ANKRD17: variants seen among roughly 807,000 people sequenced by gnomAD.
ANKRD17 encodes ankyrin repeat domain 17.
Under a neutral mutation model 229.7 loss-of-function variants are expected in ANKRD17, and 19 were observed. The observed-to-expected ratio is 0.08, with a 90% confidence interval of 0.06 to 0.12. The LOEUF is 0.12. Among genes scored for constraint, ANKRD17 ranks in the 10% least tolerant of loss-of-function variants. The pLI, the probability that ANKRD17 is intolerant of heterozygous loss-of-function variation, is 1.00. For synonymous variants in ANKRD17, 1,112 were observed against 1,146.1 expected (o/e 0.97, Z 0.60); for missense variants, 2,176 against 3,176.8 (o/e 0.68, Z 7.57).
In ANKRD17 at chr4:73,142,373, T is replaced by C. The variant is rs1729720182; in HGVS notation, c.2098A>G (p.Met700Val). 6.3e-7 allele frequency: 1 copy of C among 1,589,044 alleles called. No homozygotes were observed. Among genetic ancestry groups the C allele is most frequent in the Non-Finnish European group, 8.5e-7 (1 of 1,174,580 alleles). Residue 700 changes from methionine (M) to valine (V), a missense_variant, in exon 13 of 34, where the codon ATG becomes GTG. Met to Val is a conservative substitution (Grantham distance 21). This residue lies in a region of ANKRD17 where 275 missense variants were observed against 386.9 expected (regional missense o/e 0.71). Coordinates refer to ENST00000358602, the MANE Select transcript of ANKRD17 (RefSeq NM_032217.5). ...CCACCTTTTGCTGCTTCTATCAACATAGTTGAGCCATCCTAAAAGAGTGAA... is the reference window on the plus strand; with the variant it reads ...CCACCTTTTGCTGCTTCTATCAACACAGTTGAGCCATCCTAAAAGAGTGAA... ...PTHRLKDGST[M>V]LIEAAKGGHT... is the part of the protein sequence containing the mutation.
chr4:73,215,702 C>A (rs1232996953), intron 1 of ANKRD17, among the ~76,000 whole-genome samples: 2 of 152,192 alleles, frequency 1.3e-5, no homozygotes, highest in Admixed American at 6.5e-5. Context: ...TCAGAAAGTT[C>A]ACCGGTAATT....
intron 19 of ANKRD17, 109 bp from the exon 20 acceptor site, chr4:73,121,203 T>A: frequency 1.0e-6 from 1 of 1,001,790 alleles, no homozygotes; most frequent in Non-Finnish European, 1.5e-6. Flanking sequence ...AAGGATTGTT[T>A]AAAATATCCA....
At position 73,090,896 on chromosome 4, in the gene ANKRD17, A is replaced by T. The variant is rs755230559; in HGVS notation, c.6732T>A (p.Asn2244Lys). 6.2e-7 allele frequency: 1 copy of T among 1,614,228 alleles called. No individual in the cohort carries two copies. The highest frequency in any genetic ancestry group is 1.7e-5 in the Admixed American group (1 of 60,020). ...GCCCAAATGGTAAGGGGGCACTGAA[A>T]TTGGGAGCAATAGGCTTATTTGCTG... ...VHPANKPIAP[N>K]FSAPLPFGPF... Residue 2244 changes from asparagine (N) to lysine (K), a missense_variant, in exon 29 of 34, where the codon AAT becomes AAA. Asn to Lys is a moderately conservative substitution (Grantham distance 94). Coordinates refer to ENST00000358602, the MANE Select transcript of ANKRD17 (RefSeq NM_032217.5).
At position 73,156,108 on chromosome 4, in the gene ANKRD17, T is replaced by C. The variant is rs1301394736; in HGVS notation, c.763A>G (p.Ile255Val). The C allele has an allele frequency of 6.2e-7, 1 of 1,613,520 alleles. No homozygotes were observed. Among genetic ancestry groups the C allele is most frequent in the Non-Finnish European group, 8.5e-7 (1 of 1,179,900 alleles). ...GDVNAVRKLL[I>V]EGRSVNEHTE... Reference sequence around the variant, plus strand: ...TGTTCATTTACACTTCGCCCTTCAATGAGTAACTTTCGCACAGCATTTACA... The same window carrying C: ...TGTTCATTTACACTTCGCCCTTCAACGAGTAACTTTCGCACAGCATTTACA... Residue 255 changes from isoleucine to valine, a missense_variant, in exon 4 of 34, where the codon ATT becomes GTT. Ile to Val is a conservative substitution (Grantham distance 29). Around this residue, in one of 18 missense-constraint regions of ANKRD17, gnomAD observed 184 missense variants for 357.8 expected, o/e 0.51. Transcript: ENST00000358602.
chr4:73,103,545 T>A lies in ANKRD17; in HGVS notation c.4402-998A>T, dbSNP rs144782366. On this transcript the variant is annotated intron_variant, in intron 24 of 33. Coordinates refer to ENST00000358602, the MANE Select transcript of ANKRD17 (RefSeq NM_032217.5). ...TTTTCTTTCTTGGCTCATAAAGGTATGAAAATCATCTTCAAACTCTGTCTG... is the reference window on the plus strand; with the variant it reads ...TTTTCTTTCTTGGCTCATAAAGGTAAGAAAATCATCTTCAAACTCTGTCTG... Among the ~76,000 whole-genome samples the A allele has an allele frequency of 1.2e-3, 178 of 152,322 alleles. 1 individual carries two copies. The highest frequency in any genetic ancestry group is 4.1e-3 in the African/African-American group (169 of 41,584).
intron 13 of ANKRD17, 135 bp downstream of exon 13, chr4:73,142,107 C>T: frequency 1.1e-6 from 1 of 935,468 alleles, no homozygotes; most frequent in Non-Finnish European, 1.5e-6. Flanking sequence ...TGTTCATTAA[C>T]TGTATCAAGT....
chr4:73,159,992 A>G (rs1461665708), intron 3 of ANKRD17, among the ~76,000 whole-genome samples: 1 of 152,198 alleles, frequency 6.6e-6, no homozygotes, highest in African/African-American at 2.4e-5. Context: ...AAACACCATT[A>G]GACAACAAAG....
intron 1 of ANKRD17, among the ~76,000 whole-genome samples, chr4:73,211,782 G>C (rs1038362274): frequency 1.1e-4 from 17 of 151,208 alleles, no homozygotes; most frequent in African/African-American, 4.1e-4. Flanking sequence ...GGGAGGCAGA[G>C]GTCGCAGTGA....
chr4:73,137,387 A>G (rs530427275), intron 15 of ANKRD17, among the ~76,000 whole-genome samples: 1 of 152,308 alleles, frequency 6.6e-6, no homozygotes, highest in South Asian at 2.1e-4. Context: ...TTTGGTCAGC[A>G]AATTTTATGG....
Position 73,075,487 on chromosome 4 carries a change from A to T in ANKRD17, c.*744T>A, listed in dbSNP as rs931153763. The stretch of plus-strand genomic sequence containing the variant: ...TAAGGAGAGAAAAAGGAGTGAGGAG[A>T]TAAGTCTGTATTAGTTTTAAAAGTG... On this transcript the variant is annotated 3_prime_UTR_variant, in exon 34 of 34. Transcript: ENST00000358602. 6.6e-6 allele frequency: 1 copy of T among 152,558 alleles called. No individual in the cohort carries two copies. Among genetic ancestry groups the T allele is most frequent in the Non-Finnish European group, 1.5e-5 (1 of 67,982 alleles). 9.5% of individuals were successfully genotyped at this position (152,558 alleles called of 1,614,324 possible).
chr4:73,247,969 T>C (rs1744652789), intron 1 of ANKRD17, among the ~76,000 whole-genome samples: 1 of 152,054 alleles, frequency 6.6e-6, no homozygotes, highest in Admixed American at 6.5e-5. Context: ...TATGTGTTTC[T>C]ACAAATAGGT....
intron 2 of ANKRD17, among the ~76,000 whole-genome samples, chr4:73,164,251 A>C (rs1266987515): frequency 1.3e-5 from 2 of 152,238 alleles, no homozygotes; most frequent in African/African-American, 2.4e-5. Context: ...ACTAGGCAAG[A>C]GGACAGATCT....
intron 7 of ANKRD17, among the ~76,000 whole-genome samples, 170 bp downstream of exon 7, chr4:73,151,260 A>G (rs1430407186): frequency 6.6e-6 from 1 of 152,232 alleles, no homozygotes; most frequent in Non-Finnish European, 1.5e-5. Context: ...TGCAGGTAGC[A>G]TTGTAAAGCT....
In ANKRD17 at chr4:73,258,342, GCCGCCGCCACCT is replaced by G. The variant is rs1239060159; in HGVS notation, c.315_326del (p.Gly107_Gly110del). The G allele has an allele frequency of 3.1e-6, 5 of 1,612,540 alleles. No individual in the cohort carries two copies. Among genetic ancestry groups the G allele is most frequent in the Non-Finnish European group, 4.2e-6 (5 of 1,179,758 alleles). On this transcript the variant is annotated inframe_deletion, in exon 1 of 34. Transcript: ENST00000358602. ...CCTCGCTGTTGTTACTGCTGGTGCC[GCCGCCGCCACCT>G]CCGCCTCCACCGCCGCCTCCACCGC...
chr4:73,179,870 AAG>A (rs1735315535), intron 1 of ANKRD17, among the ~76,000 whole-genome samples: 1 of 152,130 alleles, frequency 6.6e-6, no homozygotes, highest in Non-Finnish European at 1.5e-5. Flanking sequence ...GGGCACAGCA[AAG>A]AGTGATTCAA....
At chr4:73,137,344 T>G (rs1266018923) in intron 15 of ANKRD17, among the ~76,000 whole-genome samples, 1 of 152,128 alleles carries the variant, frequency 6.6e-6, no homozygotes, top group African/African-American at 2.4e-5. Context: ...GATTCTGGTT[T>G]GGCAAGTGTG....
Position 73,085,466 on chromosome 4 carries a change from C to G in ANKRD17, c.6962-20G>C, listed in dbSNP as rs1176204802. 6.3e-7 allele frequency: 1 copy of G among 1,593,800 alleles called. No homozygotes were observed. The highest frequency in any genetic ancestry group is 1.3e-5 in the African/African-American group (1 of 74,386). ...CAATACCTATAATGTAGAAGGTCAT[C>G]ATAATTTATAATAGTTACTCCTGCA... On this transcript the variant is annotated intron_variant, in intron 29 of 33. Transcript: ENST00000358602.
intron 7 of ANKRD17, among the ~76,000 whole-genome samples, chr4:73,149,323 A>T (rs374341889): frequency 1.3e-5 from 2 of 152,190 alleles, no homozygotes; most frequent in African/African-American, 4.8e-5. Context: ...AAAAAACAGT[A>T]AGTATGTGAA....
intron 13 of ANKRD17, 117 bp downstream of exon 13, chr4:73,142,125 T>C (rs1729690906): frequency 2.8e-6 from 3 of 1,073,930 alleles, no homozygotes; most frequent in African/African-American, 1.7e-5. Flanking sequence ...AGTACATATT[T>C]ACAAACAGAA....
Sources: gnomAD v4.1 joint callset for allele counts (sites outside exome capture counted in the v4.1 genomes callset) on GRCh38, gnomAD v4.1.1 for gene constraint, gnomAD v4.1.1 regional missense constraint, MANE v1.5 for transcripts, NCBI Gene and HGNC (gene_info 2026-07-23, HGNC 2026-07-21) for gene names.